The following KIF11 variants were observed in gnomAD, a reference collection of about 807,000 sequenced individuals.
KIF11 encodes kinesin-like protein KIF11.
A neutral mutation model predicts 121.0 loss-of-function variants in KIF11; 9 were observed. That is an observed-to-expected ratio of 0.07 (90% CI 0.04 to 0.13). The LOEUF is 0.13. Among genes scored for constraint, KIF11 ranks in the 10% least tolerant of loss-of-function variants. KIF11 has a pLI of 1.00. For missense variants in KIF11, 846 were observed against 1,217.5 expected (o/e 0.69, Z 4.54); for synonymous variants, 408 against 421.0 (o/e 0.97, Z 0.38).
intron 8 of KIF11, among the ~76,000 whole-genome samples, chr10:92,615,208 A>G (rs1844540932): frequency 6.6e-6 from 1 of 152,094 alleles, no homozygotes; most frequent in Non-Finnish European, 1.5e-5. Flanking sequence ...GTTCAAGACC[A>G]GCCTGAGCAA....
At chr10:92,610,359 G>A (rs552771258) in intron 6 of KIF11, among the ~76,000 whole-genome samples, 20 of 152,162 alleles carry the variant, frequency 1.3e-4, no homozygotes, top group African/African-American at 2.4e-4. Flanking sequence ...ATCTTTTACC[G>A]AAATATAAAA....
chr10:92,630,796 G>A (rs1844728705), intron 12 of KIF11, among the ~76,000 whole-genome samples: 1 of 150,556 alleles, frequency 6.6e-6, no homozygotes, highest in Non-Finnish European at 1.5e-5. Context: ...GAACCCGGGA[G>A]GCAGAGGTTG....
chr10:92,627,942 G>A (rs1349828098), intron 10 of KIF11, among the ~76,000 whole-genome samples: 1 of 152,104 alleles, frequency 6.6e-6, no homozygotes, highest in Non-Finnish European at 1.5e-5. Context: ...ACACTTAAAT[G>A]CTCATTTCTA....
chr10:92,653,520 G>T, intron 21 of KIF11, 145 bp from the exon 22 acceptor site: 1 of 611,242 alleles, frequency 1.6e-6, no homozygotes, highest in Non-Finnish European at 2.8e-6. Flanking sequence ...CCAAATTGTT[G>T]GCTCAAACTT....
At position 92,651,507 on chromosome 10, in the gene KIF11, G is replaced by GTTTTTTT. The variant is rs1175303233; in HGVS notation, c.3039+1025_3039+1031dup. 1.0e-3 allele frequency among the ~76,000 whole-genome samples: 53 copies of GTTTTTTT among 52,974 alleles called. 7 individuals are homozygous for GTTTTTTT. The highest frequency in any genetic ancestry group is 1.5e-3 in the Non-Finnish European group (37 of 23,902). 34.8% of individuals were successfully genotyped at this position (52,974 alleles called of 152,430 possible). On this transcript the variant is annotated intron_variant, in intron 21 of 21. Coordinates refer to ENST00000260731, the MANE Select transcript of KIF11 (RefSeq NM_004523.4). ...TGTGCCACCATGCCTGGCTAATTTT[G>GTTTTTTT]TTTTTTTTTTTTTTTTTTTTTTTTT... is the stretch of plus-strand genomic sequence containing the variant.
chr10:92,640,823 T>C (rs1364013841), intron 17 of KIF11, among the ~76,000 whole-genome samples: 1 of 151,914 alleles, frequency 6.6e-6, no homozygotes. Flanking sequence ...CTTGGCTCAC[T>C]GCAACCTCTG....
chr10:92,639,605 C>A (rs1311609360), intron 16 of KIF11, among the ~76,000 whole-genome samples, 189 bp from the exon 17 acceptor site: 9 of 151,226 alleles, frequency 6.0e-5, no homozygotes, highest in Admixed American at 5.9e-4. Flanking sequence ...AAAAAAAAAA[C>A]AAATCCTACA....
intron 20 of KIF11, 118 bp from the exon 21 acceptor site, chr10:92,650,283 G>A (rs1349654188): frequency 1.6e-5 from 11 of 667,534 alleles, no homozygotes; most frequent in African/African-American, 7.2e-5. Context: ...TAATAATTTT[G>A]TTGAGGTTTA....
chr10:92,615,311 C>T (rs761633578), intron 8 of KIF11, among the ~76,000 whole-genome samples: 1 of 151,922 alleles, frequency 6.6e-6, no homozygotes, highest in Non-Finnish European at 1.5e-5. Flanking sequence ...GAGGCTGAGG[C>T]GGGAGAGTTG....
intron 18 of KIF11, among the ~76,000 whole-genome samples, chr10:92,645,912 C>T (rs912454078): frequency 6.6e-6 from 1 of 150,776 alleles, no homozygotes; most frequent in Non-Finnish European, 1.5e-5. Context: ...AGAAGGGCAC[C>T]CTGTCTTTTG....
At chr10:92,622,888 G>A (rs1015020382) in intron 10 of KIF11, among the ~76,000 whole-genome samples, 1 of 152,076 alleles carries the variant, frequency 6.6e-6, no homozygotes, top group Admixed American at 6.6e-5. Context: ...TTCACATGGC[G>A]GCAGGAGAGA....
In KIF11 at chr10:92,606,410, G is replaced by T. The variant is rs372961115; in HGVS notation, c.210+13G>T. On this transcript the variant is annotated intron_variant, in intron 2 of 21. Transcript: ENST00000260731. ...CACTTTTGATATGGTAACATATGGT[G>T]CAATTTCTTTATTATCCACTAATGT... 2.5e-6 allele frequency: 4 copies of T among 1,577,308 alleles called. No individual in the cohort carries two copies. The African/African-American group carries it at 4.1e-5, about 16-fold the overall frequency.
chr10:92,615,396 A>T (rs1380036244), intron 8 of KIF11, among the ~76,000 whole-genome samples: 3 of 151,844 alleles, frequency 2.0e-5, no homozygotes, highest in African/African-American at 7.3e-5. Flanking sequence ...ACAGAGTGAG[A>T]CTCTGTCTCA....
intron 14 of KIF11, among the ~76,000 whole-genome samples, chr10:92,635,080 G>T (rs1014524776): frequency 6.6e-6 from 1 of 152,116 alleles, no homozygotes; most frequent in African/African-American, 2.4e-5. Flanking sequence ...GTTGGTCTAG[G>T]AAGTTCTTAG....
chr10:92,641,967 CT>C (rs1844869923), intron 17 of KIF11, among the ~76,000 whole-genome samples: 2 of 151,962 alleles, frequency 1.3e-5, no homozygotes, highest in East Asian at 3.9e-4. Flanking sequence ...TCAGTTATTG[CT>C]TTTTTATTTT....
chr10:92,609,295 AGAGAGAGAGTGTGTGTGT>A lies in KIF11; in HGVS notation c.574-88_574-71del, dbSNP rs1289825233. On this transcript the variant is annotated intron_variant, in intron 5 of 21. Transcript: ENST00000260731. ...GAGAGAGAGAGAGAGAGAGAGAGAG[AGAGAGAGAGTGTGTGTGT>A]GTGTGTGTGTGTGTGTGTGTGTGTG... 5.9e-5 allele frequency: 58 copies of A among 989,214 alleles called. No homozygotes were observed. In the East Asian group the frequency reaches 8.0e-4, roughly 14 times the overall value. The allele number at this position is 989,214 out of a possible 1,614,324, so 61.3% of individuals were successfully genotyped here.
At chr10:92,612,254 GC>G (rs1844505929) in intron 6 of KIF11, among the ~76,000 whole-genome samples, 1 of 151,996 alleles carries the variant, frequency 6.6e-6, no homozygotes. Context: ...TCCCACCTGA[GC>G]CTCCAGGGTA....
chr10:92,616,620 A>G, intron 8 of KIF11, 117 bp from the exon 9 acceptor site: 1 of 534,814 alleles, frequency 1.9e-6, no homozygotes, highest in Non-Finnish European at 3.2e-6. Context: ...ACTAGATTTT[A>G]AAATTAGATA....
At chr10:92,645,335 T>G (rs1490392432) in intron 17 of KIF11, 28 bp from the exon 18 acceptor site, 1 of 1,538,834 alleles carries the variant, frequency 6.5e-7, no homozygotes, top group Non-Finnish European at 8.9e-7. Context: ...ATTCCCCATT[T>G]CAACAGTGTC....
Sources: gnomAD v4.1 joint callset for allele counts (sites outside exome capture counted in the v4.1 genomes callset) on GRCh38, gnomAD v4.1.1 for gene constraint, MANE v1.5 for transcripts, NCBI Gene and HGNC (gene_info 2026-07-23, HGNC 2026-07-21) for gene names.